Variants in EPB41L4A observed in about 807,000 individuals in gnomAD.
The protein encoded by EPB41L4A is band 4.1-like protein 4A.
EPB41L4A carries 100 observed loss-of-function variants against 108.6 expected under a neutral mutation model. The observed-to-expected ratio is 0.92, with a 90% CI of 0.78 to 1.09. The LOEUF (loss-of-function observed/expected upper bound fraction) is 1.09. EPB41L4A is among the 50% of genes least tolerant of loss of function. The pLI is 0.00. For missense variants in EPB41L4A, 1,030 were observed against 842.7 expected (o/e 1.22, Z -2.75); for synonymous variants, 319 against 289.0 (o/e 1.10, Z -1.05).
At chr5:112,236,800 A>G (rs1749369177) in intron 11 of EPB41L4A, among the ~76,000 whole-genome samples, 1 of 152,230 alleles carries the variant, frequency 6.6e-6, no homozygotes, top group East Asian at 1.9e-4. Context: ...CTTACTGATT[A>G]GGGACGCTTA....
At chr5:112,235,201 A>T (rs1487700901) in intron 11 of EPB41L4A, among the ~76,000 whole-genome samples, 2 of 152,246 alleles carry the variant, frequency 1.3e-5, no homozygotes, top group Non-Finnish European at 2.9e-5. Context: ...GGACTCTGTC[A>T]TGGCACAATT....
intron 6 of EPB41L4A, 125 bp downstream of exon 6, chr5:112,264,771 A>C: frequency 1.1e-6 from 1 of 902,486 alleles, no homozygotes; most frequent in South Asian, 2.4e-5. Context: ...TAAACTATAC[A>C]AAGAGGAGTA....
At chr5:112,283,975 A>G (rs2150515904) in intron 2 of EPB41L4A, among the ~76,000 whole-genome samples, 1 of 152,356 alleles carries the variant, frequency 6.6e-6, no homozygotes, top group East Asian at 1.9e-4. Flanking sequence ...GAGATAACAG[A>G]GCCTTAAATC....
rs1752844986 is a variant in EPB41L4A at position 112,279,690 on chromosome 5, G to A, written c.256+582C>T. 3.3e-5 allele frequency among the ~76,000 whole-genome samples: 5 copies of A among 152,016 alleles called. No homozygotes were observed. In the South Asian group the frequency reaches 1.0e-3, roughly 32 times the overall value. ...TGTTTGTGCTTATAAATAAAAACTT[G>A]GGTTCTGGAAATTAAGATTAAGGAA... is the stretch of plus-strand genomic sequence containing the variant. On this transcript the variant is annotated intron_variant, in intron 3 of 22. Transcript: ENST00000261486.
intron 2 of EPB41L4A, 74 bp from the exon 3 acceptor site, chr5:112,280,397 A>G: frequency 2.9e-6 from 4 of 1,357,166 alleles, no homozygotes. Flanking sequence ...AATATTTGCA[A>G]AATGTTATTT....
intron 22 of EPB41L4A, among the ~76,000 whole-genome samples, chr5:112,165,699 C>T (rs1760202947): frequency 6.6e-6 from 1 of 152,206 alleles, no homozygotes; most frequent in Non-Finnish European, 1.5e-5. Flanking sequence ...ACCCCTCCTC[C>T]TCTTACTTCC....
chr5:112,306,390 A>AT (rs1754681242), intron 2 of EPB41L4A, among the ~76,000 whole-genome samples: 1 of 152,104 alleles, frequency 6.6e-6, no homozygotes, highest in Non-Finnish European at 1.5e-5. Flanking sequence ...AACATACCCA[A>AT]TTTTTCATTC....
At chr5:112,331,507 C>T (rs1234998569) in intron 1 of EPB41L4A, among the ~76,000 whole-genome samples, 1 of 152,188 alleles carries the variant, frequency 6.6e-6, no homozygotes, top group African/African-American at 2.4e-5. Flanking sequence ...GCTGGCATGC[C>T]CTGCTCCTCA....
At chr5:112,204,127 C>T (rs1002405076) in intron 15 of EPB41L4A, among the ~76,000 whole-genome samples, 1 of 151,146 alleles carries the variant, frequency 6.6e-6, no homozygotes, top group African/African-American at 2.4e-5. Context: ...TTTTTAGACA[C>T]ATTATTCATA....
intron 12 of EPB41L4A, 30 bp from the exon 13 acceptor site, chr5:112,210,012 G>A (rs767835953): frequency 2.3e-6 from 3 of 1,314,830 alleles, no homozygotes; most frequent in East Asian, 2.4e-5. Context: ...AAAGATGGAA[G>A]AGAGAGGAAA....
At chr5:112,141,911 T>G (rs1192607429), downstream of EPB41L4A, among the ~76,000 whole-genome samples, 1 of 152,164 alleles carries the variant, frequency 6.6e-6, no homozygotes, top group African/African-American at 2.4e-5. Context: ...GCTGCCTAGG[T>G]GACCACCCTC....
upstream of EPB41L4A, chr5:112,419,814 TC>T (rs778801104): frequency 2.8e-5 from 13 of 456,746 alleles, no homozygotes; most frequent in African/African-American, 2.6e-4. Flanking sequence ...GTCCGGGGAC[TC>T]CCGAGCTCAT....
At chr5:112,221,686 G>A in intron 12 of EPB41L4A, among the ~76,000 whole-genome samples, 1 of 152,138 alleles carries the variant, frequency 6.6e-6, no homozygotes, top group East Asian at 1.9e-4. Context: ...ATAAAATAGG[G>A]TCTTATGCCA....
chr5:112,315,957 C>T (rs75415287), intron 1 of EPB41L4A, among the ~76,000 whole-genome samples: 3 of 152,020 alleles, frequency 2.0e-5, no homozygotes, highest in Admixed American at 1.3e-4. Flanking sequence ...AGAGTAAATG[C>T]CTATTACATA....
chr5:112,275,330 T>C lies in EPB41L4A; in HGVS notation c.331A>G (p.Thr111Ala). ...EDPCKLKEEI[T>A]RYQFFLQVKQ... ...AAAACAAAGTCAATACTATACCTGG[T>C]TATTTCTTCTTTAAGTTTACATGGA... Residue 111 changes from threonine (T) to alanine (A), a missense_variant, in exon 4 of 23, where the codon ACC becomes GCC. Coordinates refer to ENST00000261486, the MANE Select transcript of EPB41L4A (RefSeq NM_022140.5). 1 of 1,550,242 alleles carries C rather than the reference T, an allele frequency of 6.5e-7. No homozygotes were observed. The highest frequency in any genetic ancestry group is 1.4e-5 in the African/African-American group (1 of 73,480).
intron 4 of EPB41L4A, among the ~76,000 whole-genome samples, chr5:112,274,407 A>T (rs1462085915): frequency 6.6e-6 from 1 of 152,290 alleles, no homozygotes; most frequent in East Asian, 1.9e-4. Flanking sequence ...AGGCCTAAAT[A>T]TGGCACTTCA....
At chr5:112,221,497 T>C (rs1046797404) in intron 12 of EPB41L4A, among the ~76,000 whole-genome samples, 2 of 152,352 alleles carry the variant, frequency 1.3e-5, no homozygotes, top group Admixed American at 1.3e-4. Context: ...CTGTGTAAAA[T>C]GGGAACACCA....
chr5:112,241,697 T>C (rs1749795362), intron 9 of EPB41L4A, among the ~76,000 whole-genome samples: 1 of 152,218 alleles, frequency 6.6e-6, no homozygotes, highest in African/African-American at 2.4e-5. Flanking sequence ...GCCATTTATA[T>C]AAGGAATTTG....
intron 6 of EPB41L4A, chr5:112,263,486 A>G (rs1044644198): frequency 1.1e-4 from 16 of 152,194 alleles, no homozygotes; most frequent in Non-Finnish European, 1.9e-4. Flanking sequence ...ATCATCTAAA[A>G]CACATGAGAG....
Sources: allele counts gnomAD v4.1 joint callset (sites outside exome capture counted in the v4.1 genomes callset), GRCh38; gene constraint gnomAD v4.1.1; transcripts MANE v1.5; gene names NCBI Gene and HGNC (gene_info 2026-07-23, HGNC 2026-07-21).